The following SARDH variants were observed in gnomAD, a reference collection of about 807,000 sequenced individuals.
SARDH encodes sarcosine dehydrogenase, mitochondrial.
In SARDH, 95 loss-of-function variants were observed where a neutral mutation model predicts 109.1. That is an observed-to-expected ratio of 0.87 (90% confidence interval 0.74 to 1.03). The LOEUF (loss-of-function observed/expected upper bound fraction) is 1.03. Ranked by LOEUF, SARDH falls within the 50% of genes least tolerant of loss-of-function variation. The pLI is 0.00. For synonymous variants in SARDH, 572 were observed against 534.8 expected (o/e 1.07, Z -0.96); for missense variants, 1,267 against 1,287.8 (o/e 0.98, Z 0.25).
chr9:133,704,438 C>G lies in SARDH; in HGVS notation c.1554+510G>C, dbSNP rs1466002727. Among the ~76,000 whole-genome samples, 1 of 152,188 alleles carries G rather than the reference C, an allele frequency of 6.6e-6. No homozygotes were observed. The highest frequency in any genetic ancestry group is 2.4e-5 in the African/African-American group (1 of 41,450). ...GTTCCTCTCACTGAGGACCCAGGTC[C>G]CTGGGAGTCCCCAGAGGACGCCCAG... On this transcript the variant is annotated intron_variant, in intron 12 of 20. Coordinates refer to ENST00000439388, the MANE Select transcript of SARDH (RefSeq NM_001134707.2). The surrounding 1 kb of genome is among the most constrained non-coding windows in gnomAD (Gnocchi z 4.5).
rs1564257549 is a variant in SARDH, at chr9:133,692,331, C to A, written c.1922-1804G>T. Among the ~76,000 whole-genome samples, 1 of 152,076 alleles carries A rather than the reference C, an allele frequency of 6.6e-6. No individual in the cohort carries two copies. Among genetic ancestry groups the A allele is most frequent in the Non-Finnish European group, 1.5e-5 (1 of 67,996 alleles). On this transcript the variant is annotated intron_variant, in intron 15 of 20. Coordinates refer to ENST00000439388, the MANE Select transcript of SARDH (RefSeq NM_001134707.2). This position sits in a 1 kb window ranked among gnomAD's most constrained non-coding sequence, Gnocchi z 5.0. The stretch of plus-strand genomic sequence containing the variant: ...TCCCTAGCTAGACTCACTAAGTCTG[C>A]GGCTATGGGCTGTGCCTGGGCCGCC...
At chr9:133,710,197 T>A (rs1831864332) in intron 10 of SARDH, among the ~76,000 whole-genome samples, 1 of 152,244 alleles carries the variant, frequency 6.6e-6, no homozygotes, top group African/African-American at 2.4e-5. Flanking sequence ...TCCACACGCA[T>A]GAGCCTCGAG....
chr9:133,700,204 G>A (rs1831430893), intron 13 of SARDH, among the ~76,000 whole-genome samples: 1 of 152,198 alleles, frequency 6.6e-6, no homozygotes, highest in Non-Finnish European at 1.5e-5. Flanking sequence ...GCCTGTGCCT[G>A]TAATCCCAGC....
intron 15 of SARDH, among the ~76,000 whole-genome samples, chr9:133,691,714 T>C (rs1264930503): frequency 1.3e-5 from 2 of 152,232 alleles, no homozygotes; most frequent in Non-Finnish European, 2.9e-5. Flanking sequence ...GGTGATCTGA[T>C]GCAGCATGGG....
chr9:133,691,788 T>C (rs1193940131), intron 15 of SARDH, among the ~76,000 whole-genome samples: 2 of 152,182 alleles, frequency 1.3e-5, no homozygotes, highest in Non-Finnish European at 2.9e-5. Context: ...ACTCAAACAG[T>C]GCAGTTTTGA....
chr9:133,659,828 T>TGACAGTA (rs1242359837), downstream of SARDH, among the ~76,000 whole-genome samples: 2 of 152,050 alleles, frequency 1.3e-5, no homozygotes, highest in Non-Finnish European at 2.9e-5. Flanking sequence ...ACAGCCTAGG[T>TGACAGTA]GACAGTAGAC....
At position 133,712,524 on chromosome 9, in the gene SARDH, C is replaced by T. The variant is rs1218047591; in HGVS notation, c.1328+95G>A. ...CCCTTCCAGGAAGCCACCTGGATTT[C>T]AGGCAAGGCTCCTTTCTCAGTAGCC... On this transcript the variant is annotated intron_variant, in intron 10 of 20. Transcript: ENST00000439388. The surrounding 1 kb of genome is among the most constrained non-coding windows in gnomAD (Gnocchi z 4.1). 1.7e-6 allele frequency: 2 copies of T among 1,151,232 alleles called. No homozygotes were observed. The highest frequency in any genetic ancestry group is 3.0e-5 in the African/African-American group (2 of 66,014). The allele number at this position is 1,151,232 out of a possible 1,614,324, so 71.3% of individuals were successfully genotyped here.
rs1831634633 is a variant in SARDH at position 133,704,983 on chromosome 9, G to A, written c.1519C>T (p.Arg507Ter). ...CCTCGGGGATGAAACCATCCCGGTC[G>A]CTCCCAGCCATGCCGCTCCTGGAAC... ...CVFQERHGWE[R>*]PGWFHPRGPA... Residue 507 changes from arginine (R) to a stop codon, truncating the protein, a stop_gained, in exon 12 of 21, where the codon CGA (arginine) becomes TGA (stop). Transcript: ENST00000439388. LOFTEE classifies it high-confidence loss of function. This position sits in a 1 kb window ranked among gnomAD's most constrained non-coding sequence, Gnocchi z 4.5. 3.2e-6 allele frequency: 5 copies of A among 1,587,008 alleles called. No individual in the cohort carries two copies. The highest frequency in any genetic ancestry group is 4.3e-6 in the Non-Finnish European group (5 of 1,167,788).
chr9:133,727,019 G>A (rs1245448200), intron 6 of SARDH, among the ~76,000 whole-genome samples: 1 of 152,200 alleles, frequency 6.6e-6, no homozygotes, highest in African/African-American at 2.4e-5. Context: ...GGAGGAGTCA[G>A]TGTTTAAACC....
intron 4 of SARDH, among the ~76,000 whole-genome samples, 174 bp downstream of exon 4, chr9:133,731,131 G>GC (rs768543454): frequency 6.6e-6 from 1 of 152,232 alleles, no homozygotes; most frequent in Non-Finnish European, 1.5e-5. Context: ...CAGAACGAAG[G>GC]CATAGCCTCC....
At position 133,671,628 on chromosome 9, in the gene SARDH, C is replaced by T. The variant is rs376698046; in HGVS notation, c.2233G>A (p.Val745Met). 7.5e-6 allele frequency: 12 copies of T among 1,600,254 alleles called. No individual in the cohort carries two copies. Among genetic ancestry groups the T allele is most frequent in the East Asian group, 2.3e-5 (1 of 44,276 alleles). Residue 745 changes from valine to methionine, a missense_variant, in exon 18 of 21, where the codon GTG (valine) becomes ATG (methionine). Physicochemically the swap from Val to Met is conservative, Grantham distance 21. Coordinates refer to ENST00000439388, the MANE Select transcript of SARDH (RefSeq NM_001134707.2). Reference sequence around the variant, plus strand: ...GCCATCACAGCCCGGTACACAGGCACGCAGGACGCCTTTGGAATGTGCAGC... The same window carrying T: ...GCCATCACAGCCCGGTACACAGGCATGCAGGACGCCTTTGGAATGTGCAGC... ...WELHIPKASC[V>M]PVYRAVMAAG...
chr9:133,736,174 G>T (rs1832878588), intron 1 of SARDH, among the ~76,000 whole-genome samples: 1 of 152,168 alleles, frequency 6.6e-6, no homozygotes, highest in African/African-American at 2.4e-5. Context: ...ACCCACTTAT[G>T]AATAATTGTG....
intron 17 of SARDH, among the ~76,000 whole-genome samples, chr9:133,682,121 C>G (rs1830718286): frequency 6.6e-6 from 1 of 152,184 alleles, no homozygotes. Context: ...GACCAACAGT[C>G]AGCATCTACT....
chr9:133,662,111 T>C (rs2131303158), downstream of SARDH, among the ~76,000 whole-genome samples: 1 of 152,122 alleles, frequency 6.6e-6, no homozygotes, highest in East Asian at 1.9e-4. The surrounding 1 kb of genome is among the most constrained non-coding windows in gnomAD (Gnocchi z 5.1). Context: ...GGCCAGGTTC[T>C]CTCTCCACAG....
chr9:133,728,449 C>A lies in SARDH; in HGVS notation c.915+1316G>T, dbSNP rs909078166. Among the ~76,000 whole-genome samples, 1 of 152,156 alleles carries A rather than the reference C, an allele frequency of 6.6e-6. No individual in the cohort carries two copies. The highest frequency in any genetic ancestry group is 2.4e-5 in the African/African-American group (1 of 41,436). ...AGTCTGTTCTCACACTGACCCTGCC[C>A]CACAGCCTCTGGCCCTGGCTCTCTG... On this transcript the variant is annotated intron_variant, in intron 6 of 20. Transcript: ENST00000439388. This position sits in a 1 kb window ranked among gnomAD's most constrained non-coding sequence, Gnocchi z 5.0.
chr9:133,708,468 G>A, intron 10 of SARDH, 40 bp from the exon 11 acceptor site: 1 of 1,578,970 alleles, frequency 6.3e-7, no homozygotes, highest in South Asian at 1.2e-5. Context: ...TTTGGGGATG[G>A]CCCGTCAGGG....
In SARDH at chr9:133,704,946, A is replaced by G; in HGVS notation, c.1554+2T>C. 6.4e-7 allele frequency: 1 copy of G among 1,572,888 alleles called. No homozygotes were observed. The highest frequency in any genetic ancestry group is 8.6e-7 in the Non-Finnish European group (1 of 1,159,526). ...CAGCACAGCCCAGCAGGCACTACTC[A>G]CCGGAGCTGGGCCTCGGGGATGAAA... On this transcript the variant is annotated splice_donor_variant, in intron 12 of 20. Transcript: ENST00000439388. LOFTEE classifies it high-confidence loss of function. This position sits in a 1 kb window ranked among gnomAD's most constrained non-coding sequence, Gnocchi z 4.5.
At position 133,712,572 on chromosome 9, in the gene SARDH, C is replaced by G; in HGVS notation, c.1328+47G>C. On this transcript the variant is annotated intron_variant, in intron 10 of 20. Coordinates refer to ENST00000439388, the MANE Select transcript of SARDH (RefSeq NM_001134707.2). This position sits in a 1 kb window ranked among gnomAD's most constrained non-coding sequence, Gnocchi z 4.1. ...GCCCTCGCTGTTTACCCCACGCCAC[C>G]TGTCCTGAGTGGCGGGCCCTGCCCT... 2.0e-6 allele frequency: 3 copies of G among 1,521,366 alleles called. No homozygotes were observed. Among genetic ancestry groups the G allele is most frequent in the Non-Finnish European group, 2.7e-6 (3 of 1,104,542 alleles). 94.2% of individuals were successfully genotyped at this position (1,521,366 alleles called of 1,614,324 possible).
rs201450596 is a variant in SARDH at position 133,666,744 on chromosome 9, G to A, written c.2622C>T (p.Ser874=). Residue 874 remains serine (S), a synonymous_variant, in exon 20 of 21, where the codon AGC becomes AGT. Coordinates refer to ENST00000439388, the MANE Select transcript of SARDH (RefSeq NM_001134707.2). The surrounding 1 kb of genome is among the most constrained non-coding windows in gnomAD (Gnocchi z 5.2). ...TIAYGYIHDP[S]GGPVSLDFVK... ...AGAGAAGGGGACTCACCGGCCCACC[G>A]CTGGGGTCATGGATGTAACCGTAGG... 1.1e-5 allele frequency: 18 copies of A among 1,592,650 alleles called. No homozygotes were observed. Among genetic ancestry groups the A allele is most frequent in the South Asian group, 2.3e-5 (2 of 87,706 alleles).
Sources: gnomAD v4.1 joint callset for allele counts (sites outside exome capture counted in the v4.1 genomes callset) on GRCh38, gnomAD v4.1.1 for gene constraint, Gnocchi (gnomAD v3.1) non-coding constraint, MANE v1.5 for transcripts, NCBI Gene and HGNC (gene_info 2026-07-23, HGNC 2026-07-21) for gene names.